The following KCNN3 variants were observed in gnomAD, a reference collection of about 807,000 sequenced individuals.
The protein encoded by KCNN3 is potassium calcium-activated channel subfamily N member 3.
KCNN3 carries 16 observed loss-of-function variants against 62.9 expected under a neutral mutation model. The ratio of observed to expected loss-of-function variants is 0.25; its 90% confidence interval spans 0.17 to 0.39. The LOEUF is 0.39. Among genes scored for constraint, KCNN3 ranks in the 10% least tolerant of loss-of-function variants. KCNN3 has a pLI of 1.00. For synonymous variants in KCNN3, 370 were observed against 389.2 expected, an observed-to-expected ratio of 0.95 and a Z score of 0.58; for missense variants, 599 against 949.4, an observed-to-expected ratio of 0.63 and a Z score of 4.85.
intron 1 of KCNN3, among the ~76,000 whole-genome samples, chr1:154,831,004 C>T (rs1346835683): frequency 6.6e-6 from 1 of 152,196 alleles, no homozygotes; most frequent in Non-Finnish European, 1.5e-5. Context: ...CTACTGCATG[C>T]TTGCTTATAA....
intron 2 of KCNN3, among the ~76,000 whole-genome samples, chr1:154,808,174 C>T (rs1650259113): frequency 6.6e-6 from 1 of 152,194 alleles, no homozygotes; most frequent in African/African-American, 2.4e-5. Flanking sequence ...AACCCCTTCT[C>T]ATAGATAGAA....
intron 2 of KCNN3, among the ~76,000 whole-genome samples, chr1:154,791,819 G>A (rs556843817): frequency 3.3e-5 from 5 of 152,324 alleles, no homozygotes; most frequent in Admixed American, 6.5e-5. Flanking sequence ...CTTCACTGCT[G>A]TTTGTATGAA....
chr1:154,786,273 T>C (rs1451126547), intron 2 of KCNN3, among the ~76,000 whole-genome samples: 2 of 152,232 alleles, frequency 1.3e-5, no homozygotes, highest in Non-Finnish European at 2.9e-5. Flanking sequence ...TTGTTCACCA[T>C]TTTTATAATC....
rs1650317922 is a variant in KCNN3 at position 154,809,625 on chromosome 1, G to A, written c.1029+12464C>T. ...ATCACATGTGGGAGGGCAGGAAGCT[G>A]GGAGGCCCCCAAATACATGTTGCTG... On this transcript the variant is annotated intron_variant, in intron 2 of 7. Coordinates refer to ENST00000271915, the MANE Select transcript of KCNN3 (RefSeq NM_002249.6). The surrounding 1 kb of genome is among the most constrained non-coding windows in gnomAD (Gnocchi z 4.3). Among the ~76,000 whole-genome samples, 1 of 152,208 alleles carries A rather than the reference G, an allele frequency of 6.6e-6. No individual in the cohort carries two copies. Among genetic ancestry groups the A allele is most frequent in the Admixed American group, 6.5e-5 (1 of 15,286 alleles).
At chr1:154,723,148 G>A (rs1459428389) in intron 5 of KCNN3, among the ~76,000 whole-genome samples, 2 of 152,178 alleles carry the variant, frequency 1.3e-5, no homozygotes, top group African/African-American at 4.8e-5. Context: ...TTGTGAGCAG[G>A]TCAAAGTCAG....
At chr1:154,727,649 C>T (rs370660146) in intron 4 of KCNN3, among the ~76,000 whole-genome samples, 93 of 152,340 alleles carry the variant, frequency 6.1e-4, no homozygotes, top group Non-Finnish European at 9.6e-4. Context: ...ACCTCATTTT[C>T]CTCTTTTGTT....
intron 3 of KCNN3, among the ~76,000 whole-genome samples, chr1:154,741,167 T>C (rs1398408783): frequency 6.6e-6 from 1 of 152,222 alleles, no homozygotes; most frequent in Non-Finnish European, 1.5e-5. Context: ...TTTTTTCACA[T>C]GGGTAAGCAA....
chr1:154,725,642 C>G (rs759825141), intron 5 of KCNN3, among the ~76,000 whole-genome samples: 1 of 151,692 alleles, frequency 6.6e-6, no homozygotes, highest in Non-Finnish European at 1.5e-5. Context: ...CTCCCAGGTT[C>G]AAGCAATTCT....
chr1:154,754,621 T>G (rs1647545695), intron 3 of KCNN3, among the ~76,000 whole-genome samples: 1 of 152,046 alleles, frequency 6.6e-6, no homozygotes, highest in African/African-American at 2.4e-5. Flanking sequence ...AAAAGGTAGG[T>G]GGGATGGCTG....
chr1:154,750,074 G>T (rs1008744374), intron 3 of KCNN3, among the ~76,000 whole-genome samples: 3 of 152,228 alleles, frequency 2.0e-5, no homozygotes, highest in African/African-American at 4.8e-5. Context: ...AGTCACCTGA[G>T]CCTTGGTTTA....
In KCNN3 at chr1:154,781,692, C is replaced by T. The variant is rs183396005; in HGVS notation, c.1030-9299G>A. Among the ~76,000 whole-genome samples, 7 of 152,252 alleles carry T rather than the reference C, an allele frequency of 4.6e-5. 1 individual carries two copies. In the East Asian group the frequency reaches 9.7e-4, roughly 21 times the overall value. ...TTTGGGGTCTGGTTCAAGAGGTGCT[C>T]GATGCACAGGCAGGGAGCTTTGCCC... On this transcript the variant is annotated intron_variant, in intron 2 of 7. Transcript: ENST00000271915.
chr1:154,823,595 A>G (rs1650991603), intron 1 of KCNN3, among the ~76,000 whole-genome samples: 3 of 152,224 alleles, frequency 2.0e-5, no homozygotes, highest in South Asian at 4.1e-4. Context: ...ACAAGCCCTC[A>G]GGCACACTCT....
At chr1:154,855,647 A>G (rs1039411180) in intron 1 of KCNN3, among the ~76,000 whole-genome samples, 3 of 152,208 alleles carry the variant, frequency 2.0e-5, no homozygotes, top group African/African-American at 7.2e-5. Flanking sequence ...ATGCTCACAC[A>G]ATGATGAAAT....
intron 1 of KCNN3, among the ~76,000 whole-genome samples, chr1:154,830,633 G>C (rs975006460): frequency 1.3e-5 from 2 of 152,192 alleles, no homozygotes; most frequent in Non-Finnish European, 2.9e-5. Flanking sequence ...AAGTTGCCCT[G>C]GAGCATTTCC....
chr1:154,731,002 G>A (rs1318033047), intron 4 of KCNN3, among the ~76,000 whole-genome samples: 2 of 152,160 alleles, frequency 1.3e-5, no homozygotes, highest in Non-Finnish European at 2.9e-5. Context: ...CAGGAAGCCA[G>A]GTCTTTGGGG....
At chr1:154,852,026 TC>T (rs1276828730) in intron 1 of KCNN3, among the ~76,000 whole-genome samples, 1 of 152,080 alleles carries the variant, frequency 6.6e-6, no homozygotes, top group African/African-American at 2.4e-5. Context: ...TCCTCTCTGC[TC>T]CCAGGCCTGC....
Position 154,861,525 on chromosome 1 carries a change from T to C in KCNN3, c.933+7507A>G, listed in dbSNP as rs117158593. 1.5e-3 allele frequency among the ~76,000 whole-genome samples: 230 copies of C among 152,144 alleles called. 8 individuals carry two copies. In the East Asian group the frequency reaches 0.038, roughly 25 times the overall value. On this transcript the variant is annotated intron_variant, in intron 1 of 7. Coordinates refer to ENST00000271915, the MANE Select transcript of KCNN3 (RefSeq NM_002249.6). ...CATGCCTGCTCTATTCCCTACACAC[T>C]CTGCCCCCTCTCCCCGGGCTTCTCA...
chr1:154,715,494 G>A (rs1700215368), intron 5 of KCNN3, among the ~76,000 whole-genome samples: 1 of 150,104 alleles, frequency 6.7e-6, no homozygotes, highest in African/African-American at 2.4e-5. Flanking sequence ...TTAATCTTGT[G>A]TTGGACACTG....
At chr1:154,865,606 C>T (rs940286670) in intron 1 of KCNN3, among the ~76,000 whole-genome samples, 20 of 152,292 alleles carry the variant, frequency 1.3e-4, no homozygotes, top group South Asian at 2.1e-4. Context: ...TGTTCTGTCC[C>T]GGTTGCTCAA....
Sources: allele counts gnomAD v4.1 joint callset (sites outside exome capture counted in the v4.1 genomes callset), GRCh38; gene constraint gnomAD v4.1.1; non-coding constraint Gnocchi (gnomAD v3.1); transcripts MANE v1.5; gene names NCBI Gene and HGNC (gene_info 2026-07-23, HGNC 2026-07-21).